The following MFSD1 variants were observed in gnomAD, a reference collection of about 807,000 sequenced individuals.
MFSD1 encodes the protein lysosomal dipeptide transporter MFSD1.
A neutral mutation model predicts 67.1 loss-of-function variants in MFSD1; 59 were observed. The ratio of observed to expected loss-of-function variants is 0.88; its 90% CI spans 0.71 to 1.09. The LOEUF (loss-of-function observed/expected upper bound fraction) is 1.09, where lower values mean the gene tolerates loss of function less well. Among genes scored for constraint, MFSD1 ranks in the 50% least tolerant of loss-of-function variants. The pLI is 0.00. For synonymous variants in MFSD1, 213 were observed against 200.3 expected, an observed-to-expected ratio of 1.06 and a Z score of -0.54; for missense variants, 552 against 566.1, an observed-to-expected ratio of 0.97 and a Z score of 0.25.
intron 6 of MFSD1, among the ~76,000 whole-genome samples, chr3:158,813,407 A>G (rs1041110867): frequency 2.0e-5 from 3 of 152,090 alleles, no homozygotes; most frequent in African/African-American, 7.2e-5. Flanking sequence ...CGGCCTCCCA[A>G]TATGCTGGGA....
Position 158,802,255 on chromosome 3 carries a change from G to C in MFSD1, c.103G>C (p.Asp35His). The stretch of plus-strand genomic sequence containing the variant: ...CCCTGGAGCCCTGCCGGCCCTCTGC[G>C]ACCCCAGTCGCCTGGCGCACCGGCT... ...AAPGALPALCDPSRLAHRLLV... is the reference protein window; with the variant it reads ...AAPGALPALCHPSRLAHRLLV... The change falls in exon 1 of 16, where the codon GAC becomes CAC. Residue 35 changes from aspartate (D) to histidine (H), a missense_variant. By Grantham distance (81) the Asp-to-His change is moderately conservative. Coordinates refer to ENST00000415822, the MANE Select transcript of MFSD1 (RefSeq NM_022736.4). 1 of 1,611,442 alleles carries C rather than the reference G, an allele frequency of 6.2e-7. No homozygotes were observed.
At chr3:158,813,224 C>T (rs774857422) in intron 6 of MFSD1, among the ~76,000 whole-genome samples, 45 of 151,248 alleles carry the variant, frequency 3.0e-4, no homozygotes, top group African/African-American at 1.0e-3. Context: ...ATCAGCTCAC[C>T]GCAACCTCTA....
intron 13 of MFSD1, chr3:158,825,114 G>T (rs1730897584): frequency 6.6e-6 from 1 of 152,160 alleles, no homozygotes; most frequent in Non-Finnish European, 1.5e-5. Flanking sequence ...GGGTCTCAAA[G>T]CAAACAGTGT....
chr3:158,829,004 T>C lies in MFSD1; in HGVS notation c.*22T>C, dbSNP rs1347127466. The C allele has an allele frequency of 1.2e-5, 19 of 1,604,872 alleles. No individual in the cohort carries two copies. The highest frequency in any genetic ancestry group is 1.5e-5 in the Non-Finnish European group (18 of 1,175,714). On this transcript the variant is annotated 3_prime_UTR_variant, in exon 16 of 16. Transcript: ENST00000415822. ...ATGAGAAGTTAAAATGAATGTGTCATGAGAATGGGCTTAACACATCGTTGG... is the reference window on the plus strand; with the variant it reads ...ATGAGAAGTTAAAATGAATGTGTCACGAGAATGGGCTTAACACATCGTTGG...
At chr3:158,826,185 A>G in intron 14 of MFSD1, 123 bp downstream of exon 14, 2 of 637,598 alleles carry the variant, frequency 3.1e-6, no homozygotes, top group East Asian at 5.5e-5. Flanking sequence ...GTTCATAATG[A>G]TGGAAACACA....
At position 158,829,636 on chromosome 3, in the gene MFSD1, T is replaced by C. The variant is rs1731211550; in HGVS notation, c.*654T>C. 1 of 152,256 alleles carries C rather than the reference T, an allele frequency of 6.6e-6. No individual in the cohort carries two copies. The highest frequency in any genetic ancestry group is 1.5e-5 in the Non-Finnish European group (1 of 68,038). 9.4% of individuals were successfully genotyped at this position (152,256 alleles called of 1,614,324 possible). On this transcript the variant is annotated 3_prime_UTR_variant, in exon 16 of 16. Coordinates refer to ENST00000415822, the MANE Select transcript of MFSD1 (RefSeq NM_022736.4). ...TATAAACTTTCTGTACAGTTTTTCTTATAGTCTAATAAGTAAAAAGTGTCC... is the reference window on the plus strand; with the variant it reads ...TATAAACTTTCTGTACAGTTTTTCTCATAGTCTAATAAGTAAAAAGTGTCC...
In MFSD1 at chr3:158,819,686, G is replaced by C. The variant is rs768779746; in HGVS notation, c.690G>C (p.Leu230Phe). ...ITCILSLICA[L>F]ALAYLDQRAE... ...GTATTCTTTCACTAATCTGTGCCTT[G>C]GCTCTTGCCTACTTGGATCAGAGAG... The change falls in exon 8 of 16, where the codon TTG (leucine) becomes TTC (phenylalanine). Residue 230 changes from leucine to phenylalanine, a missense_variant. Transcript: ENST00000415822. 13 of 1,604,580 alleles carry C rather than the reference G, an allele frequency of 8.1e-6. No individual in the cohort carries two copies. The Admixed American group carries it at 1.0e-4, about 12-fold the overall frequency.
At chr3:158,808,550 T>A (rs1729840142) in intron 5 of MFSD1, among the ~76,000 whole-genome samples, 1 of 152,226 alleles carries the variant, frequency 6.6e-6, no homozygotes, top group Admixed American at 6.5e-5. Flanking sequence ...TTCCCACATC[T>A]GCATTTTATA....
intron 6 of MFSD1, 28 bp downstream of exon 6, chr3:158,809,315 C>A: frequency 7.1e-7 from 1 of 1,404,812 alleles, no homozygotes; most frequent in Non-Finnish European, 9.9e-7. Flanking sequence ...CCTGATGAAG[C>A]CAAATGGAAG....
At chr3:158,806,715 C>T (rs983204490) in intron 3 of MFSD1, among the ~76,000 whole-genome samples, 1 of 151,732 alleles carries the variant, frequency 6.6e-6, no homozygotes, top group African/African-American at 2.4e-5. Flanking sequence ...TAGTTTTGAC[C>T]CTGGGAACTT....
At chr3:158,804,023 TAATAA>T (rs1332323691) in intron 1 of MFSD1, among the ~76,000 whole-genome samples, 2 of 152,240 alleles carry the variant, frequency 1.3e-5, no homozygotes, top group African/African-American at 2.4e-5. Flanking sequence ...ATGAAGATAT[TAATAA>T]AATAGTATAT....
At position 158,809,707 on chromosome 3, in the gene MFSD1, C is replaced by T. The variant is rs947508684; in HGVS notation, c.549+420C>T. ...CTTTATGAAGCGTAACCTCACATAG[C>T]GATGAAACCTCCATTTACAAGTAGC... On this transcript the variant is annotated intron_variant, in intron 6 of 15. Transcript: ENST00000415822. Among the ~76,000 whole-genome samples the T allele has an allele frequency of 7.2e-5, 11 of 152,170 alleles. No homozygotes were observed. The East Asian group carries it at 7.7e-4, about 11-fold the overall frequency.
At position 158,828,953 on chromosome 3, in the gene MFSD1, GTAATTTATTGCGT is replaced by G; in HGVS notation, c.1395-23_1395-11del. The G allele has an allele frequency of 6.3e-7, 1 of 1,595,270 alleles. No homozygotes were observed. The highest frequency in any genetic ancestry group is 8.5e-7 in the Non-Finnish European group (1 of 1,171,076). On this transcript the variant is annotated splice_polypyrimidine_tract_variant and intron_variant, in intron 15 of 15. Transcript: ENST00000415822. ...CTTCATGTTTTTTTCTTCCTCTTTG[GTAATTTATTGCGT>G]TATGTTTTGCAGATGAGAAGTTAAA...
chr3:158,819,553 T>A, intron 7 of MFSD1, 96 bp from the exon 8 acceptor site: 1 of 559,444 alleles, frequency 1.8e-6, no homozygotes, highest in Non-Finnish European at 3.0e-6. Context: ...TTTCAGTTGC[T>A]GTTTTTGCTG....
rs183889299 is a variant in MFSD1, at chr3:158,821,874, G to A, written c.921-110G>A. On this transcript the variant is annotated intron_variant, in intron 10 of 15. Coordinates refer to ENST00000415822, the MANE Select transcript of MFSD1 (RefSeq NM_022736.4). Reference sequence around the variant, plus strand: ...ATATTTTTTGATGAGCATTTTATAAGAATGTTAAATGAGTTAGGATTTGCT... The same window carrying A: ...ATATTTTTTGATGAGCATTTTATAAAAATGTTAAATGAGTTAGGATTTGCT... The A allele has an allele frequency of 2.9e-5, 35 of 1,208,716 alleles. No individual in the cohort carries two copies. The South Asian group carries it at 4.9e-4, about 17-fold the overall frequency. The allele number at this position is 1,208,716 out of a possible 1,614,324, so 74.9% of individuals were successfully genotyped here. A position where few individuals can be genotyped will look rare whatever the true frequency, so the allele number is the denominator to read the frequency against.
chr3:158,804,223 G>A (rs776681806), intron 1 of MFSD1, 96 bp from the exon 2 acceptor site: 5 of 779,656 alleles, frequency 6.4e-6, no homozygotes, highest in Non-Finnish European at 8.3e-6. Context: ...TCAACCCGTA[G>A]TATCAGCATT....
At chr3:158,807,196 C>T in intron 4 of MFSD1, 114 bp downstream of exon 4, 2 of 1,008,636 alleles carry the variant, frequency 2.0e-6, no homozygotes, top group Non-Finnish European at 3.1e-6. Context: ...TAAGCAGAAC[C>T]CATAAATGCC....
In MFSD1 at chr3:158,820,297, T is replaced by G. The variant is rs746740399; in HGVS notation, c.834T>G (p.Val278=). 2.5e-6 allele frequency: 4 copies of G among 1,611,286 alleles called. No homozygotes were observed. Among genetic ancestry groups the G allele is most frequent in the Non-Finnish European group, 3.4e-6 (4 of 1,177,730 alleles). Residue 278 remains valine, a synonymous_variant, in exon 9 of 16, where the codon GTT becomes GTG. Transcript: ENST00000415822. ...LIFIICVCYY[V]AVFPFIGLGK... is the part of the protein sequence containing the mutation. ...TTATCATCTGTGTCTGCTATTATGT[T>G]GCTGTGTTCCCTTTTATTGGACTTG...
chr3:158,803,318 A>G (rs1210355344), intron 1 of MFSD1, among the ~76,000 whole-genome samples: 1 of 152,158 alleles, frequency 6.6e-6, no homozygotes, highest in African/African-American at 2.4e-5. Flanking sequence ...GTAGACATGA[A>G]GGATGCTTTG....
Sources: allele counts gnomAD v4.1 joint callset (sites outside exome capture counted in the v4.1 genomes callset), GRCh38; gene constraint gnomAD v4.1.1; transcripts MANE v1.5; gene names NCBI Gene and HGNC (gene_info 2026-07-23, HGNC 2026-07-21).